The following GULP1 variants were observed in gnomAD, a reference collection of about 807,000 sequenced individuals.
GULP1 encodes GULP PTB domain containing engulfment adaptor 1, also known as PTB domain-containing engulfment adapter protein 1.
GULP1 carries 19 observed loss-of-function variants against 40.9 expected under a neutral mutation model. The ratio of observed to expected loss-of-function variants is 0.46; its 90% confidence interval spans 0.32 to 0.68. The LOEUF is 0.68. GULP1 is among the 30% of genes least tolerant of loss of function. The pLI, the probability that GULP1 is intolerant of heterozygous loss-of-function variation, is 0.03. For synonymous variants in GULP1, 119 were observed against 117.6 expected (o/e 1.01, Z -0.08); for missense variants, 312 against 362.2 (o/e 0.86, Z 1.12).
intron 2 of GULP1, among the ~76,000 whole-genome samples, chr2:188,424,430 T>G (rs1277024096): frequency 6.6e-6 from 1 of 151,958 alleles, no homozygotes; most frequent in Non-Finnish European, 1.5e-5. Context: ...TCTGTTCATG[T>G]ATATGCTCAT....
intron 9 of GULP1, among the ~76,000 whole-genome samples, chr2:188,571,633 G>T (rs1225653081): frequency 6.6e-6 from 1 of 151,774 alleles, no homozygotes; most frequent in Non-Finnish European, 1.5e-5. Context: ...TTTTTTTCTT[G>T]CCTCTCTCGC....
intron 2 of GULP1, among the ~76,000 whole-genome samples, chr2:188,464,086 T>A (rs2059926664): frequency 6.6e-6 from 1 of 152,174 alleles, no homozygotes; most frequent in African/African-American, 2.4e-5. Context: ...TGTTAATGTG[T>A]CTGGCCATTG....
At chr2:188,361,400 G>C (rs1370140407) in intron 1 of GULP1, among the ~76,000 whole-genome samples, 1 of 151,876 alleles carries the variant, frequency 6.6e-6, no homozygotes, top group East Asian at 1.9e-4. Context: ...TGGAATGGGT[G>C]GGGCAGGGGA....
chr2:188,394,670 A>T (rs1333723176), intron 2 of GULP1, among the ~76,000 whole-genome samples: 1 of 152,038 alleles, frequency 6.6e-6, no homozygotes, highest in Admixed American at 6.6e-5. Context: ...TTCTTCTGTT[A>T]TTCTTTAATT....
intron 1 of GULP1, among the ~76,000 whole-genome samples, chr2:188,330,828 GTCTC>G (rs2041468534): frequency 6.6e-6 from 1 of 152,080 alleles, no homozygotes; most frequent in African/African-American, 2.4e-5. Context: ...TTCCATAGAT[GTCTC>G]TCTCTCAGCT....
chr2:188,523,641 G>A (rs1307699600), intron 5 of GULP1, among the ~76,000 whole-genome samples: 2 of 151,678 alleles, frequency 1.3e-5, no homozygotes, highest in African/African-American at 2.4e-5. Context: ...ACTTTATTTG[G>A]TTTAGGGACC....
intron 2 of GULP1, among the ~76,000 whole-genome samples, chr2:188,449,312 T>C: frequency 6.6e-6 from 1 of 152,204 alleles, no homozygotes; most frequent in South Asian, 2.1e-4. Context: ...GCGTAGGTAA[T>C]GTGTTTCAGT....
chr2:188,404,873 C>G (rs2052843931), intron 2 of GULP1, among the ~76,000 whole-genome samples: 2 of 152,154 alleles, frequency 1.3e-5, no homozygotes, highest in African/African-American at 2.4e-5. Flanking sequence ...CAGGGCCACC[C>G]TGGCATCAGA....
At chr2:188,554,860 A>C (rs969580678) in intron 7 of GULP1, among the ~76,000 whole-genome samples, 6 of 152,034 alleles carry the variant, frequency 3.9e-5, no homozygotes, top group Non-Finnish European at 7.4e-5. Flanking sequence ...AAATTGTTAT[A>C]TCGTCTCACT....
intron 2 of GULP1, among the ~76,000 whole-genome samples, chr2:188,435,996 C>T (rs546210543): frequency 1.3e-5 from 2 of 152,070 alleles, no homozygotes; most frequent in Admixed American, 6.6e-5. Flanking sequence ...AACTCAAAAT[C>T]AACTGTTTTG....
At chr2:188,325,628 G>A (rs1005854057) in intron 1 of GULP1, among the ~76,000 whole-genome samples, 5 of 151,850 alleles carry the variant, frequency 3.3e-5, no homozygotes, top group Non-Finnish European at 5.9e-5. Context: ...TTTGTAGACC[G>A]GTAGAGCCAG....
In GULP1 at chr2:188,582,944, A is replaced by G. The variant is rs1350900103; in HGVS notation, c.610-1321A>G. On this transcript the variant is annotated intron_variant, in intron 9 of 11. Transcript: ENST00000409830. Reference sequence around the variant, plus strand: ...AGAAAGTGTAGTATCTCTTTCAAGGAGCTTAGCCTTGAAGGAAAAAGAAAA... The same window carrying G: ...AGAAAGTGTAGTATCTCTTTCAAGGGGCTTAGCCTTGAAGGAAAAAGAAAA... Among the ~76,000 whole-genome samples the G allele has an allele frequency of 4.6e-5, 7 of 152,178 alleles. No homozygotes were observed. In the East Asian group the frequency reaches 1.3e-3, roughly 29 times the overall value.
intron 2 of GULP1, among the ~76,000 whole-genome samples, chr2:188,411,482 G>T (rs191645125): frequency 6.4e-4 from 97 of 152,236 alleles, no homozygotes; most frequent in South Asian, 1.9e-3. Context: ...GAGTCCACTG[G>T]GTGATGAAAG....
intron 2 of GULP1, among the ~76,000 whole-genome samples, chr2:188,444,069 T>C (rs1029206879): frequency 5.3e-5 from 8 of 152,142 alleles, no homozygotes; most frequent in African/African-American, 1.7e-4. Context: ...CTCTACAGTT[T>C]TACTTGTATT....
intron 6 of GULP1, among the ~76,000 whole-genome samples, chr2:188,529,518 A>G (rs1687010284): frequency 1.3e-5 from 2 of 152,204 alleles, no homozygotes; most frequent in African/African-American, 4.8e-5. Context: ...GAAAGAAGAT[A>G]AAAGCTGTGT....
At chr2:188,557,355 G>C (rs1351439152) in intron 7 of GULP1, among the ~76,000 whole-genome samples, 1 of 152,220 alleles carries the variant, frequency 6.6e-6, no homozygotes, top group African/African-American at 2.4e-5. Context: ...TACAATGGGA[G>C]TACAAGTACT....
At chr2:188,294,875 G>A (rs1054823047) in intron 1 of GULP1, among the ~76,000 whole-genome samples, 1 of 152,104 alleles carries the variant, frequency 6.6e-6, no homozygotes, top group African/African-American at 2.4e-5. Flanking sequence ...TTGAGTTTAT[G>A]GGGATAAAAT....
Position 188,587,914 on chromosome 2 carries a change from C to T in GULP1, c.808C>T (p.Pro270Ser), listed in dbSNP as rs770185986. Residue 270 changes from proline (P) to serine (S), a missense_variant, in exon 11 of 12, where the codon CCT becomes TCT. Pro to Ser is a moderately conservative substitution (Grantham distance 74). Coordinates refer to ENST00000409830, the MANE Select transcript of GULP1 (RefSeq NM_016315.4). ...ATTTAACTGTGGAGCAGCAGATTTC[C>T]CTCCAGATATTCAATCAAAATTAGA... is the stretch of plus-strand genomic sequence containing the variant. ...DPFNCGAADFPPDIQSKLDEM... is the reference protein window; with the variant it reads ...DPFNCGAADFSPDIQSKLDEM... The T allele has an allele frequency of 2.6e-5, 42 of 1,607,546 alleles. 1 individual carries two copies. The highest frequency in any genetic ancestry group is 3.4e-5 in the Non-Finnish European group (40 of 1,174,214).
rs964510920 is a variant in GULP1, at chr2:188,491,493, G to A, written c.90+8001G>A. 2.0e-5 allele frequency: 3 copies of A among 151,942 alleles called. No individual in the cohort carries two copies. The South Asian group carries it at 6.2e-4, about 31-fold the overall frequency. The allele number at this position is 151,942 out of a possible 1,614,324, so 9.4% of individuals were successfully genotyped here. A position where few individuals can be genotyped will look rare whatever the true frequency, so the allele number is the denominator to read the frequency against. On this transcript the variant is annotated intron_variant, in intron 4 of 11. Transcript: ENST00000409830. ...GGATTGTTAAGAGAAGTAAAATGTG[G>A]CAGAAAACACCAAGATTTTGGAAAT...
Sources: gnomAD v4.1 joint callset for allele counts (sites outside exome capture counted in the v4.1 genomes callset) on GRCh38, gnomAD v4.1.1 for gene constraint, MANE v1.5 for transcripts, NCBI Gene and HGNC (gene_info 2026-07-23, HGNC 2026-07-21) for gene names.